RPA3: variants seen among roughly 807,000 people sequenced by gnomAD.
RPA3 encodes the protein replication protein A 14 kDa subunit.
Under a neutral mutation model 13.7 loss-of-function variants are expected in RPA3, and 24 were observed. The ratio of observed to expected loss-of-function variants is 1.75; its 90% CI spans 1.27 to 2.46. RPA3 has a LOEUF of 2.46. Among genes scored for constraint, RPA3 ranks in the 30% most tolerant of loss-of-function variants. The pLI is 0.00. For synonymous variants in RPA3, 59 were observed against 51.2 expected, an observed-to-expected ratio of 1.15 and a Z score of -0.65; for missense variants, 183 against 151.0, an observed-to-expected ratio of 1.21 and a Z score of -1.11.
At chr7:7,704,505 C>T (rs562153209) in intron 2 of RPA3, among the ~76,000 whole-genome samples, 4 of 150,644 alleles carry the variant, frequency 2.7e-5, no homozygotes, top group Non-Finnish European at 5.9e-5. Flanking sequence ...CCTGTAATCC[C>T]AGCACTTTGG....
intron 4 of RPA3, among the ~76,000 whole-genome samples, chr7:7,669,873 GT>G (rs1337056640): frequency 1.3e-5 from 2 of 152,032 alleles, no homozygotes; most frequent in Non-Finnish European, 2.9e-5. Context: ...TTCCTGACCT[GT>G]TTTTTTCCAT....
At chr7:7,683,892 G>A (rs552273401) in intron 4 of RPA3, among the ~76,000 whole-genome samples, 2 of 152,204 alleles carry the variant, frequency 1.3e-5, no homozygotes, top group South Asian at 4.2e-4. Context: ...CAAACAGCTG[G>A]GATTATAGGC....
At chr7:7,675,383 T>G (rs1219843436) in intron 4 of RPA3, among the ~76,000 whole-genome samples, 2 of 152,158 alleles carry the variant, frequency 1.3e-5, no homozygotes, top group African/African-American at 4.8e-5. Flanking sequence ...TGGCTCCTGG[T>G]GCTGCTAAGA....
rs1430273409 is a variant in RPA3, at chr7:7,698,411, GT to G, written c.-1027-11084del. Among the ~76,000 whole-genome samples, 14 of 152,204 alleles carry G rather than the reference GT, an allele frequency of 9.2e-5. 1 individual carries two copies. The highest frequency in any genetic ancestry group is 8.5e-4 in the Admixed American group (13 of 15,282). Reference sequence around the variant, plus strand: ...AACTGGTAGAAGTTTTGATTGAGAAGTAGCTGTAAGTTGACTTTCAGTGTTT... The same window carrying G: ...AACTGGTAGAAGTTTTGATTGAGAAGAGCTGTAAGTTGACTTTCAGTGTTT... On this transcript the variant is annotated intron_variant, in intron 2 of 7. Coordinates refer to ENST00000223129, the MANE Select transcript of RPA3 (RefSeq NM_002947.5).
chr7:7,681,220 A>G (rs1319504405), intron 4 of RPA3, among the ~76,000 whole-genome samples: 2 of 152,160 alleles, frequency 1.3e-5, no homozygotes, highest in African/African-American at 2.4e-5. Context: ...TGTTTAAGCT[A>G]TAAATTATCT....
In RPA3 at chr7:7,691,013, G is replaced by A. The variant is rs113659988; in HGVS notation, c.-1027-3685C>T. Among the ~76,000 whole-genome samples, 887 of 152,262 alleles carry A rather than the reference G, an allele frequency of 5.8e-3. 11 individuals carry two copies. The highest frequency in any genetic ancestry group is 0.02 in the African/African-American group (842 of 41,542). On this transcript the variant is annotated intron_variant, in intron 2 of 7. Transcript: ENST00000223129. The stretch of plus-strand genomic sequence containing the variant: ...TAGGTCTCCAAAGTTACAGGACCTT[G>A]AAGCATGTAGAGCTCAGCATGGTAC...
intron 4 of RPA3, among the ~76,000 whole-genome samples, chr7:7,662,595 G>T (rs1785503311): frequency 6.6e-6 from 1 of 152,152 alleles, no homozygotes; most frequent in Non-Finnish European, 1.5e-5. Flanking sequence ...TATGCCTCCT[G>T]GGTGAGGCGA....
chr7:7,665,015 A>C (rs933374771), intron 4 of RPA3, among the ~76,000 whole-genome samples: 2 of 150,146 alleles, frequency 1.3e-5, no homozygotes, highest in African/African-American at 4.9e-5. Context: ...ATATATATAT[A>C]CACACACACA....
rs115476306 is a variant in RPA3 at position 7,694,217 on chromosome 7, C to T, written c.-1027-6889G>A. Among the ~76,000 whole-genome samples, 887 of 151,994 alleles carry T rather than the reference C, an allele frequency of 5.8e-3. 11 individuals are homozygous for T. Among genetic ancestry groups the T allele is most frequent in the African/African-American group, 0.02 (842 of 41,460 alleles). ...TGATAATTGAGTATCTTTTCTTGTA[C>T]TTATTGGTAACTTTTTATTTTTAAT... On this transcript the variant is annotated intron_variant, in intron 2 of 7. Transcript: ENST00000223129.
intron 4 of RPA3, among the ~76,000 whole-genome samples, chr7:7,655,875 C>T (rs143875410): frequency 0.016 from 2,506 of 152,094 alleles, 65 homozygotes; most frequent in African/African-American, 0.058. Context: ...CGCTCTTGTT[C>T]CCCAGGCTGG....
chr7:7,684,233 C>T (rs1367142276), intron 4 of RPA3, among the ~76,000 whole-genome samples: 1 of 151,020 alleles, frequency 6.6e-6, no homozygotes, highest in East Asian at 1.9e-4. Context: ...GACAGTGTCT[C>T]ACTCCATCAC....
chr7:7,700,553 C>T (rs963933379), intron 2 of RPA3, among the ~76,000 whole-genome samples: 1 of 151,912 alleles, frequency 6.6e-6, no homozygotes, highest in African/African-American at 2.4e-5. Flanking sequence ...AGTGAGACCC[C>T]CATCTCTACA....
chr7:7,659,819 G>C (rs926263110), intron 4 of RPA3, among the ~76,000 whole-genome samples: 3 of 152,158 alleles, frequency 2.0e-5, no homozygotes, highest in Non-Finnish European at 4.4e-5. Context: ...TATTAGGTCT[G>C]CTTGGTCCAG....
chr7:7,683,473 C>T (rs1476809284), intron 4 of RPA3, among the ~76,000 whole-genome samples: 1 of 152,096 alleles, frequency 6.6e-6, no homozygotes, highest in Admixed American at 6.6e-5. Flanking sequence ...TATAAAGTTA[C>T]AGTTTCTTTT....
At position 7,709,820 on chromosome 7, in the gene RPA3, AATG is replaced by A. The variant is rs1358698937; in HGVS notation, c.-1028+5352_-1028+5354del. ...ATAATGAGAACATATTCAGAATGAC[AATG>A]TGATGAACACCTGTGTACCCACCAA... On this transcript the variant is annotated intron_variant, in intron 2 of 7. Transcript: ENST00000223129. Among the ~76,000 whole-genome samples, 10 of 152,284 alleles carry A rather than the reference AATG, an allele frequency of 6.6e-5. 1 individual carries two copies. Among genetic ancestry groups the A allele is most frequent in the African/African-American group, 2.4e-4 (10 of 41,564 alleles).
At chr7:7,646,479 G>GA (rs1417063727) in intron 4 of RPA3, among the ~76,000 whole-genome samples, 2 of 93,424 alleles carry the variant, frequency 2.1e-5, no homozygotes, top group African/African-American at 7.8e-5. Flanking sequence ...CCTTTCGCTG[G>GA]ATTTTTTTTT....
At chr7:7,643,990 G>C (rs751902721) in intron 4 of RPA3, among the ~76,000 whole-genome samples, 1 of 151,990 alleles carries the variant, frequency 6.6e-6, no homozygotes, top group Non-Finnish European at 1.5e-5. Flanking sequence ...GGTAACTTGG[G>C]GTAACTTGGA....
At chr7:7,676,033 T>A in intron 4 of RPA3, 1 of 397,798 alleles carries the variant, frequency 2.5e-6, no homozygotes, top group Non-Finnish European at 4.4e-6. Context: ...GTCAGCATCA[T>A]GTCTCAGCTC....
chr7:7,706,655 C>T (rs773645051), intron 2 of RPA3, among the ~76,000 whole-genome samples: 3 of 152,104 alleles, frequency 2.0e-5, no homozygotes, highest in Non-Finnish European at 4.4e-5. Context: ...TACATAAGAA[C>T]TCTAAGAACT....
Sources: allele counts gnomAD v4.1 joint callset (sites outside exome capture counted in the v4.1 genomes callset), GRCh38; gene constraint gnomAD v4.1.1; transcripts MANE v1.5; gene names NCBI Gene and HGNC (gene_info 2026-07-23, HGNC 2026-07-21).